Variants in TMEM132D observed in about 807,000 individuals in gnomAD.
The protein encoded by TMEM132D is transmembrane protein 132D.
A neutral mutation model predicts 62.3 loss-of-function variants in TMEM132D; 21 were observed. The ratio of observed to expected loss-of-function variants is 0.34; its 90% CI spans 0.24 to 0.49. TMEM132D has a LOEUF of 0.49. Among genes scored for constraint, TMEM132D ranks in the 20% least tolerant of loss-of-function variants. TMEM132D has a pLI of 0.99. For missense variants in TMEM132D, 1,346 were observed against 1,402.8 expected (o/e 0.96, Z 0.65); for synonymous variants, 621 against 575.6 (o/e 1.08, Z -1.13).
chr12:129,742,260 C>T (rs2137260190), intron 1 of TMEM132D, among the ~76,000 whole-genome samples: 1 of 152,320 alleles, frequency 6.6e-6, no homozygotes, highest in African/African-American at 2.4e-5. Flanking sequence ...GCACACAGTT[C>T]TGCCAGCTGT....
chr12:129,876,212 T>A lies in TMEM132D; in HGVS notation c.79+27049A>T, dbSNP rs191299332. On this transcript the variant is annotated intron_variant, in intron 1 of 8. Transcript: ENST00000422113. ...AAGCAGCAAGAAGTGAGCCGAGAAA[T>A]GTTATTTCCATTCCAAATCCAATTA... 2.3e-3 allele frequency among the ~76,000 whole-genome samples: 355 copies of A among 152,280 alleles called. 5 individuals are homozygous for A. Among genetic ancestry groups the A allele is most frequent in the African/African-American group, 7.8e-3 (323 of 41,562 alleles).
intron 3 of TMEM132D, among the ~76,000 whole-genome samples, chr12:129,462,172 A>C (rs956946192): frequency 3.3e-5 from 5 of 152,164 alleles, no homozygotes; most frequent in African/African-American, 1.2e-4. Flanking sequence ...ACTGAGGCAG[A>C]GTGAATCTTT....
At chr12:129,426,943 A>G (rs1566065097) in intron 3 of TMEM132D, among the ~76,000 whole-genome samples, 1 of 152,204 alleles carries the variant, frequency 6.6e-6, no homozygotes, top group Admixed American at 6.5e-5. Context: ...TAGCTTAGAG[A>G]TACACAGCTA....
At chr12:129,271,201 A>ACTAGCATTGAGAT (rs1880844938) in intron 4 of TMEM132D, among the ~76,000 whole-genome samples, 1 of 149,250 alleles carries the variant, frequency 6.7e-6, no homozygotes, top group African/African-American at 2.6e-5. Context: ...GTTAGGAAAA[A>ACTAGCATTGAGAT]AAATAAGACA....
chr12:129,464,723 T>C (rs1231481887), intron 3 of TMEM132D, among the ~76,000 whole-genome samples: 5 of 152,194 alleles, frequency 3.3e-5, no homozygotes, highest in African/African-American at 1.2e-4. Context: ...ATTTATTAAA[T>C]AGGGAATCCT....
intron 5 of TMEM132D, among the ~76,000 whole-genome samples, chr12:129,135,512 GATGCATAA>G (rs1228513865): frequency 6.6e-6 from 1 of 152,196 alleles, no homozygotes; most frequent in Admixed American, 6.5e-5. Flanking sequence ...ACAAGTGGGT[GATGCATAA>G]GTGCATAAGG....
At chr12:129,136,789 CCATCACCAT>C (rs1042196189) in intron 5 of TMEM132D, among the ~76,000 whole-genome samples, 3 of 129,938 alleles carry the variant, frequency 2.3e-5, no homozygotes, top group Admixed American at 7.9e-5. Flanking sequence ...ACCATCATCA[CCATCACCAT>C]CATCACCATC....
chr12:129,585,500 G>A (rs1878000309), intron 2 of TMEM132D, among the ~76,000 whole-genome samples: 1 of 152,216 alleles, frequency 6.6e-6, no homozygotes, highest in South Asian at 2.1e-4. Flanking sequence ...CGCGTTCCAT[G>A]CGTTATTAAC....
intron 2 of TMEM132D, among the ~76,000 whole-genome samples, chr12:129,665,150 C>T (rs1215204924): frequency 6.6e-6 from 1 of 152,088 alleles, no homozygotes; most frequent in Non-Finnish European, 1.5e-5. Flanking sequence ...CCAGACCCTA[C>T]CTCAAACTTA....
intron 3 of TMEM132D, among the ~76,000 whole-genome samples, chr12:129,416,423 A>C (rs894922035): frequency 1.3e-5 from 2 of 152,226 alleles, no homozygotes; most frequent in African/African-American, 4.8e-5. Flanking sequence ...AATTTGCTGA[A>C]GTTGCTCATC....
intron 4 of TMEM132D, among the ~76,000 whole-genome samples, chr12:129,315,776 T>C (rs1177926374): frequency 6.7e-6 from 1 of 148,340 alleles, no homozygotes; most frequent in Admixed American, 6.6e-5. Flanking sequence ...GGTCTTGGAC[T>C]TTTTTTGTTG....
intron 2 of TMEM132D, among the ~76,000 whole-genome samples, chr12:129,677,561 T>C (rs1880661723): frequency 6.6e-6 from 1 of 152,216 alleles, no homozygotes; most frequent in African/African-American, 2.4e-5. Flanking sequence ...GGTTTTTCTT[T>C]CCAAACTTTA....
At chr12:129,790,480 G>A (rs74783001) in intron 1 of TMEM132D, among the ~76,000 whole-genome samples, 1 of 152,268 alleles carries the variant, frequency 6.6e-6, no homozygotes, top group African/African-American at 2.4e-5. Flanking sequence ...CCGGAGTAGG[G>A]CTGTCCCCGG....
chr12:129,738,325 A>T (rs1869491651), intron 1 of TMEM132D, among the ~76,000 whole-genome samples: 1 of 152,166 alleles, frequency 6.6e-6, no homozygotes, highest in Non-Finnish European at 1.5e-5. Context: ...GAAAAAAAGG[A>T]GACAGAGAAG....
intron 5 of TMEM132D, among the ~76,000 whole-genome samples, chr12:129,137,175 T>C (rs1876605783): frequency 7.0e-6 from 1 of 142,078 alleles, no homozygotes; most frequent in Non-Finnish European, 1.5e-5. Flanking sequence ...ACCATCATCA[T>C]CACCACCATC....
intron 3 of TMEM132D, among the ~76,000 whole-genome samples, chr12:129,345,395 T>A (rs1273009370): frequency 6.6e-6 from 1 of 152,138 alleles, no homozygotes; most frequent in African/African-American, 2.4e-5. Flanking sequence ...AACCACAGCA[T>A]CGATTCCAAA....
At position 129,074,274 on chromosome 12, in the gene TMEM132D, T is replaced by C. The variant is rs747299042; in HGVS notation, c.2901A>G (p.Leu967=). The change falls in exon 9 of 9, where the codon TTA becomes TTG. Residue 967 remains leucine (L), a synonymous_variant. Coordinates refer to ENST00000422113, the MANE Select transcript of TMEM132D (RefSeq NM_133448.3). ...GMSHSHDWVG[L]SNRTELLENH... ...TCTCCAACAGCTCTGTCCGGTTGCT[T>C]AACCCAACCCAGTCATGAGAGTGAC... is the stretch of plus-strand genomic sequence containing the variant. The C allele has an allele frequency of 3.8e-5, 62 of 1,613,988 alleles. No individual in the cohort carries two copies. The highest frequency in any genetic ancestry group is 4.9e-5 in the Non-Finnish European group (58 of 1,180,038).
At chr12:129,516,071 G>A (rs192603198) in intron 3 of TMEM132D, among the ~76,000 whole-genome samples, 2 of 152,254 alleles carry the variant, frequency 1.3e-5, no homozygotes, top group East Asian at 3.9e-4. Context: ...TCCATCCTCA[G>A]GACTGCTGGA....
intron 5 of TMEM132D, among the ~76,000 whole-genome samples, chr12:129,206,527 T>TC: frequency 6.6e-6 from 1 of 152,304 alleles, no homozygotes; most frequent in Middle Eastern, 3.4e-3. Flanking sequence ...GTTCAGCCAC[T>TC]ATGGAAAGCA....
Sources: allele counts gnomAD v4.1 joint callset (sites outside exome capture counted in the v4.1 genomes callset), GRCh38; gene constraint gnomAD v4.1.1; transcripts MANE v1.5; gene names NCBI Gene and HGNC (gene_info 2026-07-23, HGNC 2026-07-21).